Variants in PRELID2 observed in about 807,000 individuals in gnomAD.
PRELID2 encodes PRELI domain containing 2.
In PRELID2, 25 loss-of-function variants were observed where a neutral mutation model predicts 28.4. The ratio of observed to expected loss-of-function variants is 0.88; its 90% confidence interval spans 0.64 to 1.23. The LOEUF is 1.23. Among genes scored for constraint, PRELID2 ranks in the 50% most tolerant of loss-of-function variants. The probability of loss-of-function intolerance (pLI) is 0.00; values close to 1 mark genes in which losing one functional copy is unlikely to be tolerated. For missense variants in PRELID2, 201 were observed against 214.4 expected (o/e 0.94, Z 0.39); for synonymous variants, 76 against 71.6 (o/e 1.06, Z -0.31).
At chr5:145,640,460 A>C (rs1754083699) in intron 1 of PRELID2, among the ~76,000 whole-genome samples, 1 of 123,426 alleles carries the variant, frequency 8.1e-6, no homozygotes, top group South Asian at 2.5e-4. Context: ...TGGGCGACAG[A>C]GCGAGACTCC....
At chr5:145,509,681 C>T (rs1752444318) in intron 1 of PRELID2, among the ~76,000 whole-genome samples, 1 of 152,248 alleles carries the variant, frequency 6.6e-6, no homozygotes, top group South Asian at 2.1e-4. Flanking sequence ...AGGATAGAAA[C>T]AAACTTTTGC....
the PRELID2 span, among the ~76,000 whole-genome samples, chr5:145,411,730 T>A: frequency 2.0e-5 from 3 of 152,172 alleles, no homozygotes; most frequent in African/African-American, 2.4e-5. Flanking sequence ...ATCCCACATT[T>A]CCCTTCTGTA....
chr5:145,655,816 AT>A (rs1754383492), intron 1 of PRELID2, among the ~76,000 whole-genome samples: 1 of 152,230 alleles, frequency 6.6e-6, no homozygotes, highest in Admixed American at 6.5e-5. Context: ...AACCTAAGCA[AT>A]ACCATTCAGA....
intron 1 of PRELID2, among the ~76,000 whole-genome samples, chr5:145,614,797 T>C (rs375608786): frequency 1.3e-5 from 2 of 152,186 alleles, no homozygotes; most frequent in East Asian, 1.9e-4. Context: ...GACTTTGTCC[T>C]TACCAATTTG....
the PRELID2 span, among the ~76,000 whole-genome samples, chr5:145,271,591 T>G: frequency 7.9e-5 from 12 of 152,308 alleles, no homozygotes; most frequent in South Asian, 2.3e-3. Flanking sequence ...CTAGTTAAGT[T>G]ACTGTCATTC....
intron 1 of PRELID2, among the ~76,000 whole-genome samples, chr5:145,613,175 G>A (rs1326212273): frequency 6.6e-6 from 1 of 152,076 alleles, no homozygotes; most frequent in Non-Finnish European, 1.5e-5. Flanking sequence ...AGTCATGCTT[G>A]CAGGAGTGAG....
the PRELID2 span, among the ~76,000 whole-genome samples, chr5:145,284,965 T>A: frequency 1.3e-5 from 2 of 152,176 alleles, no homozygotes; most frequent in Non-Finnish European, 2.9e-5. Flanking sequence ...ACTTACTATG[T>A]GCCAGGCACT....
chr5:145,296,593 G>C, the PRELID2 span, among the ~76,000 whole-genome samples: 1 of 152,064 alleles, frequency 6.6e-6, no homozygotes, highest in Non-Finnish European at 1.5e-5. Flanking sequence ...GTCTATCATT[G>C]TTGGACATTT....
chr5:145,441,453 CTT>C, the PRELID2 span, among the ~76,000 whole-genome samples: 4 of 152,220 alleles, frequency 2.6e-5, no homozygotes, highest in African/African-American at 9.6e-5. Context: ...TCACTCCTCT[CTT>C]ATCTATTTTC....
chr5:145,825,403 A>T (rs185474767), intron 1 of PRELID2, among the ~76,000 whole-genome samples: 72 of 152,280 alleles, frequency 4.7e-4, no homozygotes, highest in African/African-American at 1.7e-3. Context: ...GAGATATTTG[A>T]GACTCACACA....
At chr5:145,612,714 G>A (rs375448279) in intron 1 of PRELID2, among the ~76,000 whole-genome samples, 5 of 152,224 alleles carry the variant, frequency 3.3e-5, no homozygotes, top group African/African-American at 1.2e-4. Context: ...TACGATGTTT[G>A]GTTTTCCATT....
At chr5:145,355,491 A>T in the PRELID2 span, among the ~76,000 whole-genome samples, 3 of 152,154 alleles carry the variant, frequency 2.0e-5, no homozygotes, top group Non-Finnish European at 4.4e-5. Flanking sequence ...CTTATTAACT[A>T]AGTTTTTAAA....
the PRELID2 span, among the ~76,000 whole-genome samples, chr5:145,371,398 A>T: frequency 6.6e-6 from 1 of 151,970 alleles, no homozygotes; most frequent in African/African-American, 2.4e-5. Context: ...GGTTTTATTT[A>T]TGTGATGGAT....
At chr5:145,355,541 A>G in the PRELID2 span, among the ~76,000 whole-genome samples, 3 of 152,168 alleles carry the variant, frequency 2.0e-5, no homozygotes, top group Non-Finnish European at 2.9e-5. Context: ...AGAAATTTAC[A>G]GTTTACTGTG....
At chr5:145,721,704 T>TA (rs1755995239) in intron 1 of PRELID2, among the ~76,000 whole-genome samples, 1 of 152,082 alleles carries the variant, frequency 6.6e-6, no homozygotes, top group Admixed American at 6.6e-5. Context: ...AGGATGTATA[T>TA]AAGACCCACA....
intron 1 of PRELID2, among the ~76,000 whole-genome samples, chr5:145,832,696 A>G (rs1458588719): frequency 6.6e-6 from 1 of 152,140 alleles, no homozygotes; most frequent in Non-Finnish European, 1.5e-5. Flanking sequence ...GAAATTAATC[A>G]TAACTACTTC....
At chr5:145,397,804 G>A in the PRELID2 span, among the ~76,000 whole-genome samples, 8 of 152,180 alleles carry the variant, frequency 5.3e-5, no homozygotes, top group Admixed American at 2.6e-4. Context: ...AATGGTCAGA[G>A]AAGCGAAAAC....
intron 1 of PRELID2, among the ~76,000 whole-genome samples, chr5:145,499,754 G>A (rs937769840): frequency 6.6e-5 from 10 of 152,340 alleles, no homozygotes; most frequent in African/African-American, 2.4e-4. Context: ...GGGAGCTGAT[G>A]TAAACCCCTG....
rs369326048 is a variant in PRELID2, at chr5:145,576,998, G to A, written n.71-103683C>T. ...TGTCCAGCATTATGCTTGTTGCAGC[G>A]TTCCTGAATTTAAGGCACTTCCCAG... On this transcript the variant is annotated intron_variant and non_coding_transcript_variant, in intron 1 of 2. Transcript: ENST00000510259. Among the ~76,000 whole-genome samples, 7 of 152,070 alleles carry A rather than the reference G, an allele frequency of 4.6e-5. No individual in the cohort carries two copies. In the South Asian group the frequency reaches 6.2e-4, roughly 13 times the overall value.
Sources: gnomAD v4.1 joint callset for allele counts (sites outside exome capture counted in the v4.1 genomes callset) on GRCh38, gnomAD v4.1.1 for gene constraint, MANE v1.5 for transcripts, NCBI Gene and HGNC (gene_info 2026-07-23, HGNC 2026-07-21) for gene names.